TESC: variants seen among roughly 807,000 people sequenced by gnomAD.
TESC encodes the protein calcineurin B homologous protein 3.
Under a neutral mutation model 31.0 loss-of-function variants are expected in TESC, and 19 were observed. That is an observed-to-expected ratio of 0.61 (90% confidence interval 0.43 to 0.90). The LOEUF is 0.90. Ranked by LOEUF, TESC falls within the 40% of genes least tolerant of loss-of-function variation. The pLI is 0.00. For missense variants in TESC, 248 were observed against 303.8 expected (o/e 0.82, Z 1.36); for synonymous variants, 109 against 114.8 (o/e 0.95, Z 0.32).
At chr12:117,052,963 C>T (rs1027298112) in intron 3 of TESC, among the ~76,000 whole-genome samples, 2 of 152,148 alleles carry the variant, frequency 1.3e-5, no homozygotes, top group African/African-American at 4.8e-5. Flanking sequence ...CTGGTAATCC[C>T]CAATCCCACC....
In TESC at chr12:117,042,029, C is replaced by T. The variant is rs116765335; in HGVS notation, c.520-35G>A. Reference sequence around the variant, plus strand: ...GAAGCACAGGGTGGACAGTGAGTGGCGCAGGTCCCCACACAGCTTCCGCAG... The same window carrying T: ...GAAGCACAGGGTGGACAGTGAGTGGTGCAGGTCCCCACACAGCTTCCGCAG... On this transcript the variant is annotated intron_variant, in intron 6 of 7. Transcript: ENST00000335209. 741 of 1,576,584 alleles carry T rather than the reference C, an allele frequency of 4.7e-4. 4 individuals are homozygous for T. The African/African-American group carries it at 8.4e-3, about 18-fold the overall frequency.
chr12:117,066,611 C>T (rs1375344460), intron 2 of TESC, among the ~76,000 whole-genome samples: 1 of 152,060 alleles, frequency 6.6e-6, no homozygotes, highest in Admixed American at 6.6e-5. Flanking sequence ...GTGATCCGCC[C>T]GCCTCAGCCT....
At position 117,056,811 on chromosome 12, in the gene TESC, G is replaced by A. The variant is rs1381344376; in HGVS notation, c.204C>T (p.Asp68=). ...GTTCAGGGGAAAACGCCCACCTGTT[G>A]TCGAAGAAGGCACGAACAATTTTGG... ...IRSKIVRAFF[D]NRNLRKGPSG... The change falls in exon 3 of 8, where the codon GAC becomes GAT. Residue 68 remains aspartate (D), a synonymous_variant. Transcript: ENST00000335209. 8 of 1,614,182 alleles carry A rather than the reference G, an allele frequency of 5.0e-6. No homozygotes were observed. The highest frequency in any genetic ancestry group is 6.8e-6 in the Non-Finnish European group (8 of 1,180,018).
At chr12:117,097,419 A>G (rs995006214) in intron 1 of TESC, among the ~76,000 whole-genome samples, 5 of 152,160 alleles carry the variant, frequency 3.3e-5, no homozygotes, top group Non-Finnish European at 5.9e-5. Flanking sequence ...TGTCAAACCC[A>G]CAACCAGGTG....
chr12:117,054,886 G>C (rs73405256), intron 3 of TESC, among the ~76,000 whole-genome samples: 30,835 of 152,036 alleles, frequency 0.2, 4,127 homozygotes, highest in African/African-American at 0.39. Flanking sequence ...GGGCCTCACT[G>C]TGTCTGCCAC....
intron 1 of TESC, among the ~76,000 whole-genome samples, chr12:117,097,244 T>G (rs1364081254): frequency 6.6e-6 from 1 of 152,116 alleles, no homozygotes; most frequent in Non-Finnish European, 1.5e-5. Context: ...ACCCTCTCCA[T>G]CTCCCTTGGG....
intron 1 of TESC, chr12:117,098,452 G>A (rs923467688): frequency 6.6e-6 from 1 of 152,334 alleles, no homozygotes; most frequent in Non-Finnish European, 1.5e-5. Context: ...AACTGGCCAT[G>A]CCGAGTTCAG....
At chr12:117,053,523 G>GTT (rs142266228) in intron 3 of TESC, among the ~76,000 whole-genome samples, 1 of 151,554 alleles carries the variant, frequency 6.6e-6, no homozygotes. Flanking sequence ...CTTGGGTCAA[G>GTT]TTTTTTTTTA....
At chr12:117,080,652 C>T (rs911320782) in intron 1 of TESC, among the ~76,000 whole-genome samples, 1 of 152,170 alleles carries the variant, frequency 6.6e-6, no homozygotes, top group African/African-American at 2.4e-5. Context: ...AGGATGATTT[C>T]CGAAGCCTCA....
At chr12:117,050,067 T>C (rs2135753633) in intron 3 of TESC, among the ~76,000 whole-genome samples, 1 of 151,960 alleles carries the variant, frequency 6.6e-6, no homozygotes, top group Non-Finnish European at 1.5e-5. Context: ...TCTCCCAAAG[T>C]GCTGGGACTA....
intron 2 of TESC, among the ~76,000 whole-genome samples, chr12:117,066,584 C>T (rs1049338430): frequency 6.6e-6 from 1 of 152,006 alleles, no homozygotes; most frequent in East Asian, 1.9e-4. Context: ...CCAGGATGGT[C>T]TCGATCTCCT....
chr12:117,046,800 T>C lies in TESC; in HGVS notation c.388A>G (p.Ile130Val). Residue 130 changes from isoleucine (I) to valine (V), a missense_variant, in exon 5 of 8, where the codon ATC becomes GTC. Transcript: ENST00000335209. Reference protein sequence around the residue: ...HMYDSDSDGRITLEEYRNVVE... With the variant: ...HMYDSDSDGRVTLEEYRNVVE... ...ACATTTCGATATTCTTCCAGAGTGA[T>C]GCGGCCGTCGCTGTCCGAGTCGTAC... The C allele has an allele frequency of 6.4e-7, 1 of 1,569,832 alleles. No homozygotes were observed. The highest frequency in any genetic ancestry group is 1.2e-5 in the South Asian group (1 of 85,454).
chr12:117,096,839 G>A (rs1955402700), intron 1 of TESC, among the ~76,000 whole-genome samples: 1 of 152,128 alleles, frequency 6.6e-6, no homozygotes, highest in South Asian at 2.1e-4. Context: ...GCTTGTCCCT[G>A]CCACAGGGCC....
At chr12:117,055,032 G>A (rs1371304010) in intron 3 of TESC, among the ~76,000 whole-genome samples, 1 of 152,138 alleles carries the variant, frequency 6.6e-6, no homozygotes, top group Non-Finnish European at 1.5e-5. Context: ...GCTCTGGCCT[G>A]TGCCTCAGCT....
At chr12:117,061,131 G>T (rs142660857) in intron 2 of TESC, among the ~76,000 whole-genome samples, 1 of 152,164 alleles carries the variant, frequency 6.6e-6, no homozygotes, top group Admixed American at 6.5e-5. Flanking sequence ...GTTTAGAGGA[G>T]ATAAAGTCTG....
intron 2 of TESC, among the ~76,000 whole-genome samples, chr12:117,060,321 ATATGGGGGCC>A (rs1378050398): frequency 1.3e-5 from 2 of 152,084 alleles, no homozygotes; most frequent in Admixed American, 6.6e-5. Context: ...TTGAGAGGGA[ATATGGGGGCC>A]TTTTGGGAGC....
chr12:117,087,258 G>GAGCAGC (rs1032695645), intron 1 of TESC, among the ~76,000 whole-genome samples: 1 of 152,210 alleles, frequency 6.6e-6, no homozygotes, highest in Admixed American at 6.5e-5. Context: ...CTGTCCTTCA[G>GAGCAGC]AGCAGCAGCA....
chr12:117,039,727 C>A (rs1048083180), intron 7 of TESC, among the ~76,000 whole-genome samples: 8 of 152,214 alleles, frequency 5.3e-5, no homozygotes, highest in Non-Finnish European at 1.0e-4. Flanking sequence ...GTCTTTACAA[C>A]CTCCCTGGGA....
intron 7 of TESC, among the ~76,000 whole-genome samples, chr12:117,041,639 G>C (rs955167183): frequency 6.6e-6 from 1 of 152,184 alleles, no homozygotes; most frequent in East Asian, 1.9e-4. Flanking sequence ...AGCCTACAAC[G>C]GGGGTTACTT....
Sources: allele counts gnomAD v4.1 joint callset (sites outside exome capture counted in the v4.1 genomes callset), GRCh38; gene constraint gnomAD v4.1.1; transcripts MANE v1.5; gene names NCBI Gene and HGNC (gene_info 2026-07-23, HGNC 2026-07-21).